The following SMOC1 variants were observed in gnomAD, a reference collection of about 807,000 sequenced individuals.
The protein encoded by SMOC1 is SPARC related modular calcium binding 1.
Under a neutral mutation model 56.3 loss-of-function variants are expected in SMOC1, and 22 were observed. The observed-to-expected ratio is 0.39, with a 90% CI of 0.28 to 0.56. The LOEUF is 0.56. Ranked by LOEUF, SMOC1 falls within the 20% of genes least tolerant of loss-of-function variation. SMOC1 has a pLI of 0.61. For missense variants in SMOC1, 509 were observed against 565.4 expected (o/e 0.90, Z 1.01); for synonymous variants, 193 against 215.0 (o/e 0.90, Z 0.89).
intron 1 of SMOC1, among the ~76,000 whole-genome samples, chr14:69,880,004 G>A (rs1001497047): frequency 1.3e-5 from 2 of 152,060 alleles, no homozygotes; most frequent in Non-Finnish European, 2.9e-5. Context: ...CCCTGTCCCC[G>A]AACTGTCACT....
intron 1 of SMOC1, among the ~76,000 whole-genome samples, chr14:69,928,617 G>GC (rs1491514798): frequency 1.0e-4 from 2 of 19,108 alleles, no homozygotes; most frequent in South Asian, 1.1e-3. Flanking sequence ...GTGCTCATTG[G>GC]GGGGGGGGTC....
At chr14:69,983,303 T>C (rs1884245482) in intron 5 of SMOC1, among the ~76,000 whole-genome samples, 1 of 152,246 alleles carries the variant, frequency 6.6e-6, no homozygotes, top group Admixed American at 6.5e-5. Context: ...ATTGATATTT[T>C]ACGCTTGGTG....
At chr14:69,992,001 C>A (rs1201232403) in intron 5 of SMOC1, among the ~76,000 whole-genome samples, 3 of 152,132 alleles carry the variant, frequency 2.0e-5, no homozygotes, top group Non-Finnish European at 4.4e-5. Flanking sequence ...GAGCTGGGGA[C>A]ACCATAATTT....
chr14:69,922,331 T>C (rs897121941), intron 1 of SMOC1, among the ~76,000 whole-genome samples: 19 of 152,216 alleles, frequency 1.2e-4, no homozygotes, highest in Non-Finnish European at 2.4e-4. Flanking sequence ...TTTGCCTCTC[T>C]TCATCATGCT....
chr14:69,980,058 T>C (rs943016545), intron 5 of SMOC1, among the ~76,000 whole-genome samples: 2 of 151,628 alleles, frequency 1.3e-5, no homozygotes, highest in African/African-American at 4.8e-5. Context: ...CTGGTCCAGC[T>C]GGAAGTGGGG....
chr14:69,952,251 A>C lies in SMOC1; in HGVS notation c.213A>C (p.Arg71=), dbSNP rs1286465116. 6.2e-7 allele frequency: 1 copy of C among 1,614,002 alleles called. No homozygotes were observed. Among genetic ancestry groups the C allele is most frequent in the Non-Finnish European group, 8.5e-7 (1 of 1,180,022 alleles). The stretch of plus-strand genomic sequence containing the variant: ...ACGAGTCCATGTGTGAGTACCAGCG[A>C]GCCAAGTGCCGAGACCCGACCCTGG... ...RSYESMCEYQ[R]AKCRDPTLGV... is the part of the protein sequence containing the mutation. The change falls in exon 2 of 12, where the codon CGA becomes CGC. Residue 71 remains arginine, a synonymous_variant. Transcript: ENST00000361956.
chr14:69,938,041 C>T (rs1284129445), intron 1 of SMOC1, among the ~76,000 whole-genome samples: 2 of 152,162 alleles, frequency 1.3e-5, no homozygotes, highest in African/African-American at 4.8e-5. Flanking sequence ...GCATTTCTTC[C>T]TCTGTTATCT....
At chr14:70,019,320 T>C (rs1885630786) in intron 10 of SMOC1, among the ~76,000 whole-genome samples, 2 of 152,206 alleles carry the variant, frequency 1.3e-5, no homozygotes, top group African/African-American at 2.4e-5. Flanking sequence ...TCTTCTAAAA[T>C]CTGGAATCTG....
chr14:70,030,296 A>T lies in SMOC1; in HGVS notation c.*38A>T, dbSNP rs774707485. The stretch of plus-strand genomic sequence containing the variant: ...CCAAGGGCAGGTGGAGAGTCCAGGG[A>T]GGCAGGATGGATCACCAGACACCTA... On this transcript the variant is annotated 3_prime_UTR_variant, in exon 12 of 12. Transcript: ENST00000361956. 3 of 1,608,956 alleles carry T rather than the reference A, an allele frequency of 1.9e-6. No individual in the cohort carries two copies. Among genetic ancestry groups the T allele is most frequent in the South Asian group, 2.2e-5 (2 of 90,784 alleles).
intron 7 of SMOC1, among the ~76,000 whole-genome samples, chr14:69,997,502 A>G (rs1884810033): frequency 6.6e-6 from 1 of 152,234 alleles, no homozygotes; most frequent in Non-Finnish European, 1.5e-5. Context: ...GGGAAAGTTA[A>G]TTAACTTCCC....
chr14:69,953,512 G>A lies in SMOC1; in HGVS notation c.358G>A (p.Glu120Lys), dbSNP rs764802761. The A allele has an allele frequency of 5.0e-6, 8 of 1,614,104 alleles. No homozygotes were observed. Among genetic ancestry groups the A allele is most frequent in the Admixed American group, 1.7e-5 (1 of 60,018 alleles). Reference sequence around the variant, plus strand: ...AGCTGTGTTTGTCCCAGAGTGTGGCGAGGATGGCTCCTTTACCCAGGTGAG... The same window carrying A: ...AGCTGTGTTTGTCCCAGAGTGTGGCAAGGATGGCTCCTTTACCCAGGTGAG... ...QEAVFVPECG[E>K]DGSFTQVQCH... The change falls in exon 3 of 12, where the codon GAG becomes AAG. Residue 120 changes from glutamate (E) to lysine (K), a missense_variant. By Grantham distance (56) the Glu-to-Lys change is moderately conservative (BLOSUM62 1). This residue lies in a region of SMOC1 where 315 missense variants were observed against 333.1 expected (regional missense o/e 0.95). Coordinates refer to ENST00000361956, the MANE Select transcript of SMOC1 (RefSeq NM_001034852.3).
chr14:70,027,918 C>A (rs1244922645), intron 11 of SMOC1, among the ~76,000 whole-genome samples: 4 of 152,158 alleles, frequency 2.6e-5, no homozygotes, highest in African/African-American at 9.7e-5. Flanking sequence ...CAGAAAAAAG[C>A]CCCTGTGGTC....
At chr14:69,954,717 A>G (rs1040542436) in intron 3 of SMOC1, among the ~76,000 whole-genome samples, 2 of 152,150 alleles carry the variant, frequency 1.3e-5, no homozygotes, top group African/African-American at 4.8e-5. Flanking sequence ...TGGCACCTGC[A>G]ATTTCTTTGT....
chr14:69,964,410 C>T (rs1207970729), intron 3 of SMOC1, among the ~76,000 whole-genome samples: 1 of 149,394 alleles, frequency 6.7e-6, no homozygotes, highest in East Asian at 2.0e-4. Flanking sequence ...CAGAGTCTCA[C>T]TCTGTCGCCC....
Position 69,982,715 on chromosome 14 carries a change from C to A in SMOC1, c.526+4750C>A, listed in dbSNP as rs377676624. Among the ~76,000 whole-genome samples, 3 of 152,190 alleles carry A rather than the reference C, an allele frequency of 2.0e-5. No individual in the cohort carries two copies. The East Asian group carries it at 5.8e-4, about 29-fold the overall frequency. On this transcript the variant is annotated intron_variant, in intron 5 of 11. Transcript: ENST00000361956. ...CTCTTCCCGACTACCTCTTTTTTCT[C>A]TTCCCCTAGCAACCACGGGGGTATG...
At chr14:70,015,417 T>G (rs561692256) in intron 10 of SMOC1, among the ~76,000 whole-genome samples, 2 of 151,578 alleles carry the variant, frequency 1.3e-5, no homozygotes, top group East Asian at 3.9e-4. Context: ...ACAGGCTAGA[T>G]CTCCTGTTTA....
At chr14:70,017,310 AC>A (rs1885553099) in intron 10 of SMOC1, among the ~76,000 whole-genome samples, 1 of 152,154 alleles carries the variant, frequency 6.6e-6, no homozygotes, top group African/African-American at 2.4e-5. Context: ...ATGCAGACAG[AC>A]CCTGGCCAGT....
rs904583745 is a variant in SMOC1 at position 69,894,817 on chromosome 14, T to C, written c.99+15040T>C. ...TGGAGCTGACAGGAAAAAGGAAATA[T>C]AGAAAGAGTTTGGAAAATTTCAGAA... On this transcript the variant is annotated intron_variant, in intron 1 of 11. Coordinates refer to ENST00000361956, the MANE Select transcript of SMOC1 (RefSeq NM_001034852.3). 4.6e-5 allele frequency among the ~76,000 whole-genome samples: 7 copies of C among 152,294 alleles called. 2 individuals carry two copies. Among genetic ancestry groups the C allele is most frequent in the Admixed American group, 1.3e-4 (2 of 15,304 alleles).
chr14:69,967,919 C>T (rs1191087576), intron 3 of SMOC1, among the ~76,000 whole-genome samples: 1 of 152,196 alleles, frequency 6.6e-6, no homozygotes, highest in Non-Finnish European at 1.5e-5. Flanking sequence ...GAAAGGACAG[C>T]TCATGCTAGA....
Sources: allele counts gnomAD v4.1 joint callset (sites outside exome capture counted in the v4.1 genomes callset), GRCh38; gene constraint gnomAD v4.1.1; regional missense constraint gnomAD v4.1.1; transcripts MANE v1.5; gene names NCBI Gene and HGNC (gene_info 2026-07-23, HGNC 2026-07-21).